Variants in JMJD6 observed in about 807,000 individuals in gnomAD.
JMJD6 encodes jumonji domain containing 6, arginine demethylase and lysine hydroxylase.
Under a neutral mutation model 45.8 loss-of-function variants are expected in JMJD6, and 17 were observed. The observed-to-expected ratio is 0.37, with a 90% CI of 0.25 to 0.56. JMJD6 has a LOEUF of 0.56. Among genes scored for constraint, JMJD6 ranks in the 20% least tolerant of loss-of-function variants. JMJD6 has a pLI of 0.79. For missense variants in JMJD6, 470 were observed against 517.5 expected, an observed-to-expected ratio of 0.91 and a Z score of 0.89; for synonymous variants, 221 against 196.3, an observed-to-expected ratio of 1.13 and a Z score of -1.05.
In JMJD6 at chr17:76,718,683, C is replaced by T; in HGVS notation, c.*46G>A. On this transcript the variant is annotated 3_prime_UTR_variant, in exon 6 of 6. Coordinates refer to ENST00000397625, the MANE Select transcript of JMJD6 (RefSeq NM_015167.3). ...ACAGGCCACCCTCCCCAGGCCCTGCCCTTGCCGCGAGCGTGTCCTTCCATA... is the reference window on the plus strand; with the variant it reads ...ACAGGCCACCCTCCCCAGGCCCTGCTCTTGCCGCGAGCGTGTCCTTCCATA... The T allele has an allele frequency of 1.3e-6, 2 of 1,598,918 alleles. No homozygotes were observed. The highest frequency in any genetic ancestry group is 1.7e-6 in the Non-Finnish European group (2 of 1,172,170).
At position 76,720,486 on chromosome 17, in the gene JMJD6, T is replaced by C. The variant is rs749273500; in HGVS notation, c.954A>G (p.Gln318=). Residue 318 remains glutamine (Q), a synonymous_variant, in exon 5 of 6, where the codon CAA becomes CAG. Transcript: ENST00000397625. The part of the protein sequence containing the change: ...LSRKWYRILK[Q]EHPELAVLAD... Reference sequence around the variant, plus strand: ...CGAGGACTGCCAACTCGGGGTGCTCTTGCTTCAAAATCCTGAGAGGCAAGA... The same window carrying C: ...CGAGGACTGCCAACTCGGGGTGCTCCTGCTTCAAAATCCTGAGAGGCAAGA... 3 of 1,614,062 alleles carry C rather than the reference T, an allele frequency of 1.9e-6. No homozygotes were observed. The highest frequency in any genetic ancestry group is 2.5e-6 in the Non-Finnish European group (3 of 1,179,978).
At chr17:76,713,785 T>C (rs1004017691), downstream of JMJD6, 1 of 152,240 alleles carries the variant, frequency 6.6e-6, no homozygotes, top group African/African-American at 2.4e-5. Flanking sequence ...TTTTGCTACT[T>C]TATGAAGAAG....
At position 76,726,471 on chromosome 17, in the gene JMJD6, T is replaced by C; in HGVS notation, c.5A>G (p.Asn2Ser). ...GCGGATGCGCTTCTTGCTCTTGTGG[T>C]TCATTCTGCGGGGTCGCCAGCTGGT... M[N>S]HKSKKRIREA... The change falls in exon 1 of 6, where the codon AAC becomes AGC. Residue 2 changes from asparagine to serine, a missense_variant. Physicochemically the swap from Asn to Ser is conservative, Grantham distance 46. Transcript: ENST00000397625. 1.3e-6 allele frequency: 2 copies of C among 1,599,310 alleles called. No individual in the cohort carries two copies. Among genetic ancestry groups the C allele is most frequent in the Non-Finnish European group, 1.7e-6 (2 of 1,173,784 alleles).
chr17:76,726,068 C>T (rs775431834), intron 1 of JMJD6, among the ~76,000 whole-genome samples: 5 of 152,202 alleles, frequency 3.3e-5, no homozygotes, highest in African/African-American at 1.2e-4. Context: ...CTAGGGGACC[C>T]GCCGCCCAAA....
At chr17:76,720,529 A>C (rs1462856297) in intron 4 of JMJD6, 31 bp from the exon 5 acceptor site, 1 of 1,610,244 alleles carries the variant, frequency 6.2e-7, no homozygotes, top group East Asian at 2.2e-5. Flanking sequence ...TTCTCAGTGC[A>C]CTGACAGCCA....
At position 76,718,694 on chromosome 17, in the gene JMJD6, G is replaced by C. The variant is rs1382598100; in HGVS notation, c.*35C>G. 1 of 1,608,462 alleles carries C rather than the reference G, an allele frequency of 6.2e-7. No individual in the cohort carries two copies. The highest frequency in any genetic ancestry group is 1.3e-5 in the African/African-American group (1 of 75,006). On this transcript the variant is annotated 3_prime_UTR_variant, in exon 6 of 6. Coordinates refer to ENST00000397625, the MANE Select transcript of JMJD6 (RefSeq NM_015167.3). ...TCCCCAGGCCCTGCCCTTGCCGCGA[G>C]CGTGTCCTTCCATACAGACAACAGC...
rs776394511 is a variant in JMJD6, at chr17:76,723,817, G to T, written c.760C>A (p.Pro254Thr). 8 of 1,614,070 alleles carry T rather than the reference G, an allele frequency of 5.0e-6. 1 individual carries two copies. The highest frequency in any genetic ancestry group is 4.4e-5 in the South Asian group (4 of 91,088). Residue 254 changes from proline (P) to threonine (T), a missense_variant, in exon 3 of 6, where the codon CCC (proline) becomes ACC (threonine). Physicochemically the swap from Pro to Thr is conservative, Grantham distance 38. Around this residue, in one of 4 missense-constraint regions of JMJD6, gnomAD observed 346 missense variants for 339.5 expected, o/e 1.02. Coordinates refer to ENST00000397625, the MANE Select transcript of JMJD6 (RefSeq NM_015167.3). ...QLPTWPPEFKPLEILQKPGET... is the reference protein window; with the variant it reads ...QLPTWPPEFKTLEILQKPGET... Reference sequence around the variant, plus strand: ...CCTGGTTTTTGTAAGATTTCCAGGGGTTTGAATTCAGGTGGCCAGGTTGGA... The same window carrying T: ...CCTGGTTTTTGTAAGATTTCCAGGGTTTTGAATTCAGGTGGCCAGGTTGGA...
chr17:76,717,618 TG>T (rs35163198), downstream of JMJD6, among the ~76,000 whole-genome samples: 4 of 151,238 alleles, frequency 2.6e-5, no homozygotes, highest in East Asian at 7.8e-4. Flanking sequence ...GAGGCTGAGG[TG>T]GGGGGATCAC....
At chr17:76,715,677 T>G (rs886988774), downstream of JMJD6, 7 of 152,254 alleles carry the variant, frequency 4.6e-5, no homozygotes, top group Non-Finnish European at 8.8e-5. Flanking sequence ...TGCTTCCAAG[T>G]GCGCCCCATG....
In JMJD6 at chr17:76,725,662, T is replaced by G. The variant is rs1266795497; in HGVS notation, c.323A>C (p.Tyr108Ser). 3 of 1,613,942 alleles carry G rather than the reference T, an allele frequency of 1.9e-6. No homozygotes were observed. Among genetic ancestry groups the G allele is most frequent in the African/African-American group, 1.3e-5 (1 of 74,884 alleles). ...KFKCGEDNDG[Y>S]SVKMKMKYYI... ...GTATTTCATCTTCATCTTCACTGAGTAGCCATCGTTATCCTCACCACACTT... is the reference window on the plus strand; with the variant it reads ...GTATTTCATCTTCATCTTCACTGAGGAGCCATCGTTATCCTCACCACACTT... The change falls in exon 2 of 6, where the codon TAC becomes TCC. Residue 108 changes from tyrosine to serine, a missense_variant. Tyr to Ser is a moderately radical substitution (Grantham distance 144). This residue lies in a region of JMJD6 where 346 missense variants were observed against 339.5 expected (regional missense o/e 1.02). Transcript: ENST00000397625.
Position 76,718,647 on chromosome 17 carries a change from T to G in JMJD6, c.*82A>C. 1.3e-6 allele frequency: 2 copies of G among 1,543,950 alleles called. No individual in the cohort carries two copies. The highest frequency in any genetic ancestry group is 1.7e-6 in the Non-Finnish European group (2 of 1,147,484). ...GGGCTCTGTCAGGCCTCCCCTTGTC[T>G]GCAGGACTGGACAGGCCACCCTCCC... is the stretch of plus-strand genomic sequence containing the variant. On this transcript the variant is annotated 3_prime_UTR_variant, in exon 6 of 6. Coordinates refer to ENST00000397625, the MANE Select transcript of JMJD6 (RefSeq NM_015167.3).
downstream of JMJD6, chr17:76,715,593 C>T (rs1268901755): frequency 3.3e-5 from 5 of 152,224 alleles, no homozygotes; most frequent in African/African-American, 1.2e-4. Context: ...ACACAGCCTC[C>T]CTGCCTGTGA....
chr17:76,720,461 C>T lies in JMJD6; in HGVS notation c.979G>A (p.Ala327Thr), dbSNP rs749758661. The T allele has an allele frequency of 3.7e-6, 6 of 1,613,868 alleles. No individual in the cohort carries two copies. Among genetic ancestry groups the T allele is most frequent in the African/African-American group, 1.3e-5 (1 of 74,876 alleles). ...KQEHPELAVL[A>T]DSVDLQESTG... Reference sequence around the variant, plus strand: ...GACTCCTGAAGGTCAACCGAGTCTGCGAGGACTGCCAACTCGGGGTGCTCT... The same window carrying T: ...GACTCCTGAAGGTCAACCGAGTCTGTGAGGACTGCCAACTCGGGGTGCTCT... Residue 327 changes from alanine (A) to threonine (T), a missense_variant, in exon 5 of 6, where the codon GCA becomes ACA. Transcript: ENST00000397625.
chr17:76,725,132 G>C lies in JMJD6; in HGVS notation c.518+335C>G, dbSNP rs541850723. On this transcript the variant is annotated intron_variant, in intron 2 of 5. Coordinates refer to ENST00000397625, the MANE Select transcript of JMJD6 (RefSeq NM_015167.3). ...TAGATAAGATTTTAACCACAGGCCG[G>C]GCGCGGTGGCTCACACCTGCAATCG... Among the ~76,000 whole-genome samples the C allele has an allele frequency of 5.0e-3, 758 of 152,248 alleles. 12 individuals carry two copies. The highest frequency in any genetic ancestry group is 0.018 in the African/African-American group (730 of 41,536).
At chr17:76,716,811 C>T (rs1027660155), downstream of JMJD6, 56 of 1,372,488 alleles carry the variant, frequency 4.1e-5, no homozygotes, top group South Asian at 4.0e-4. Flanking sequence ...GCAGGACCCC[C>T]GGGACCCCAC....
downstream of JMJD6, chr17:76,713,871 G>A (rs2076746012): frequency 6.6e-6 from 1 of 152,040 alleles, no homozygotes; most frequent in Admixed American, 6.6e-5. Flanking sequence ...ATTTAAGAAG[G>A]TCTGCACTTT....
intron 4 of JMJD6, among the ~76,000 whole-genome samples, 172 bp downstream of exon 4, chr17:76,721,626 T>C (rs1015355302): frequency 1.3e-5 from 2 of 152,164 alleles, no homozygotes; most frequent in Non-Finnish European, 2.9e-5. Flanking sequence ...GCGAACACCC[T>C]GAGGACTTGC....
At chr17:76,718,323 C>G (rs780866515), downstream of JMJD6, 1 of 580,688 alleles carries the variant, frequency 1.7e-6, no homozygotes, top group Non-Finnish European at 2.4e-6. Context: ...GCTCTCCCTA[C>G]GCTGCTGGGA....
At chr17:76,721,605 C>T (rs1284625659) in intron 4 of JMJD6, among the ~76,000 whole-genome samples, 193 bp downstream of exon 4, 1 of 152,192 alleles carries the variant, frequency 6.6e-6, no homozygotes, top group African/African-American at 2.4e-5. Flanking sequence ...CACCCTGCCA[C>T]CTCGAGGCTG....
Sources: allele counts gnomAD v4.1 joint callset (sites outside exome capture counted in the v4.1 genomes callset), GRCh38; gene constraint gnomAD v4.1.1; regional missense constraint gnomAD v4.1.1; transcripts MANE v1.5; gene names NCBI Gene and HGNC (gene_info 2026-07-23, HGNC 2026-07-21).